The following TMOD2 variants were observed in gnomAD, a reference collection of about 807,000 sequenced individuals.
TMOD2 encodes the protein tropomodulin 2.
Under a neutral mutation model 39.9 loss-of-function variants are expected in TMOD2, and 22 were observed. That is an observed-to-expected ratio of 0.55 (90% confidence interval 0.39 to 0.79). TMOD2 has a LOEUF of 0.79. Among genes scored for constraint, TMOD2 ranks in the 30% least tolerant of loss-of-function variants. The pLI is 0.00. For missense variants in TMOD2, 386 were observed against 413.3 expected, an observed-to-expected ratio of 0.93 and a Z score of 0.57; for synonymous variants, 123 against 146.1, an observed-to-expected ratio of 0.84 and a Z score of 1.14.
rs1302586257 is a variant in TMOD2, at chr15:51,812,371, T to G, written c.*3917T>G. On this transcript the variant is annotated 3_prime_UTR_variant, in exon 10 of 10. Transcript: ENST00000249700. ...ACCAATGTCCTCCGAATAGCTGCCATGAGAACATTTCAGATGCTCAAACTG... is the reference window on the plus strand; with the variant it reads ...ACCAATGTCCTCCGAATAGCTGCCAGGAGAACATTTCAGATGCTCAAACTG... 6.6e-6 allele frequency: 1 copy of G among 152,214 alleles called. No homozygotes were observed. Among genetic ancestry groups the G allele is most frequent in the Non-Finnish European group, 1.5e-5 (1 of 68,042 alleles). The allele number at this position is 152,214 out of a possible 1,614,324, so 9.4% of individuals were successfully genotyped here.
rs568794613 is a variant in TMOD2, at chr15:51,786,820, G to T, written c.732+3992G>T. Among the ~76,000 whole-genome samples the T allele has an allele frequency of 8.5e-5, 13 of 152,344 alleles. No homozygotes were observed. The East Asian group carries it at 2.3e-3, about 27-fold the overall frequency. On this transcript the variant is annotated intron_variant, in intron 7 of 9. Transcript: ENST00000249700. The stretch of plus-strand genomic sequence containing the variant: ...TGCCACATAAAAATCAAGAGTTTAG[G>T]ACAGCACTGTTTATTGGAAATAAAA...
At chr15:51,801,235 TCTCACACACACACACACACACACA>T (rs1242336774) in intron 8 of TMOD2, among the ~76,000 whole-genome samples, 8 of 108,928 alleles carry the variant, frequency 7.3e-5, no homozygotes, top group Non-Finnish European at 1.3e-4. Flanking sequence ...TCTCTCTCTC[TCTCACACACACACACACACACACA>T]CACACACACA....
intron 6 of TMOD2, among the ~76,000 whole-genome samples, chr15:51,782,056 T>C (rs1270389980): frequency 6.6e-6 from 1 of 152,178 alleles, no homozygotes; most frequent in Non-Finnish European, 1.5e-5. Flanking sequence ...CACTTCTAAC[T>C]GCACCCCACA....
At chr15:51,763,691 A>G (rs1408276443) in intron 1 of TMOD2, among the ~76,000 whole-genome samples, 3 of 152,156 alleles carry the variant, frequency 2.0e-5, no homozygotes, top group Non-Finnish European at 2.9e-5. Context: ...AGAGTATTCC[A>G]CAGTTGTCCC....
intron 9 of TMOD2, among the ~76,000 whole-genome samples, chr15:51,808,105 C>T (rs935098024): frequency 3.3e-5 from 5 of 152,100 alleles, no homozygotes; most frequent in South Asian, 2.1e-4. Flanking sequence ...TTGCAAGTGC[C>T]GTGGATAAAC....
chr15:51,779,905 C>G (rs2141625803), intron 5 of TMOD2, among the ~76,000 whole-genome samples: 1 of 152,322 alleles, frequency 6.6e-6, no homozygotes, highest in African/African-American at 2.4e-5. Flanking sequence ...TGGTCTCAAA[C>G]TCCCTGCCTC....
chr15:51,780,550 C>G (rs1228881780), intron 5 of TMOD2, among the ~76,000 whole-genome samples: 1 of 152,094 alleles, frequency 6.6e-6, no homozygotes, highest in Non-Finnish European at 1.5e-5. Context: ...TTCCATTCTT[C>G]TTTTTTATCC....
intron 3 of TMOD2, among the ~76,000 whole-genome samples, chr15:51,770,431 T>A (rs1193958668): frequency 1.3e-5 from 2 of 152,196 alleles, no homozygotes; most frequent in Admixed American, 6.5e-5. Context: ...GTCTTTTTTT[T>A]ATCCTGGCAC....
chr15:51,802,148 A>G (rs777198729), intron 8 of TMOD2, among the ~76,000 whole-genome samples: 13 of 151,754 alleles, frequency 8.6e-5, no homozygotes, highest in Middle Eastern at 3.2e-3. Flanking sequence ...CCTTTTTTAT[A>G]TGCCCCCCAA....
chr15:51,783,056 A>C, intron 7 of TMOD2: 1 of 515,770 alleles, frequency 1.9e-6, no homozygotes, highest in Non-Finnish European at 3.5e-6. Flanking sequence ...AGAAAGAAAC[A>C]AGATAAGTTT....
In TMOD2 at chr15:51,792,887, TA is replaced by T. The variant is rs568928307; in HGVS notation, c.733-5308del. Among the ~76,000 whole-genome samples, 221 of 152,194 alleles carry T rather than the reference TA, an allele frequency of 1.5e-3. 1 individual carries two copies. Among genetic ancestry groups the T allele is most frequent in the African/African-American group, 5.3e-3 (219 of 41,520 alleles). ...GGAGGGTGGGGTGCTAGGGGAGGGA[TA>T]ACATTAGGAGAAATACCTAATGTAG... On this transcript the variant is annotated intron_variant, in intron 7 of 9. Coordinates refer to ENST00000249700, the MANE Select transcript of TMOD2 (RefSeq NM_014548.4).
At position 51,799,022 on chromosome 15, in the gene TMOD2, C is replaced by T. The variant is rs553723608; in HGVS notation, c.876+682C>T. ...CCTAGAGCCACCTCTTCCTGCCTGG[C>T]GACCTCTTTTTCCCAGCGTCAGCCT... is the stretch of plus-strand genomic sequence containing the variant. On this transcript the variant is annotated intron_variant, in intron 8 of 9. Transcript: ENST00000249700. Among the ~76,000 whole-genome samples, 184 of 152,290 alleles carry T rather than the reference C, an allele frequency of 1.2e-3. 1 individual carries two copies. The highest frequency in any genetic ancestry group is 4.1e-3 in the African/African-American group (170 of 41,558).
chr15:51,795,436 A>C (rs1197977886), intron 7 of TMOD2, among the ~76,000 whole-genome samples: 1 of 151,548 alleles, frequency 6.6e-6, no homozygotes, highest in Non-Finnish European at 1.5e-5. Context: ...CTCAAAAAAA[A>C]AAAAAAAAGT....
intron 6 of TMOD2, among the ~76,000 whole-genome samples, chr15:51,782,146 C>A (rs571273858): frequency 6.6e-6 from 1 of 152,110 alleles, no homozygotes; most frequent in Admixed American, 6.5e-5. Flanking sequence ...TTTATTCAGT[C>A]TTTACTCTGA....
intron 7 of TMOD2, among the ~76,000 whole-genome samples, chr15:51,785,630 T>C (rs1341304330): frequency 1.3e-5 from 2 of 151,960 alleles, no homozygotes; most frequent in East Asian, 3.9e-4. Flanking sequence ...AAAGTGGTTC[T>C]CATGGAGGTA....
At chr15:51,784,815 G>T (rs563414725) in intron 7 of TMOD2, 1 of 152,136 alleles carries the variant, frequency 6.6e-6, no homozygotes, top group Admixed American at 6.5e-5. Context: ...TGAATAAAGG[G>T]ATAAAGAAAT....
intron 7 of TMOD2, among the ~76,000 whole-genome samples, chr15:51,788,606 T>C (rs7182917): frequency 0.44 from 67,247 of 151,894 alleles, 15,091 homozygotes; most frequent in Admixed American, 0.46. Context: ...GGAAAAAATG[T>C]TAAGGGCAGC....
At chr15:51,789,246 AT>A (rs2055992679) in intron 7 of TMOD2, among the ~76,000 whole-genome samples, 1 of 152,212 alleles carries the variant, frequency 6.6e-6, no homozygotes, top group South Asian at 2.1e-4. Context: ...ACTAACAAAG[AT>A]CAAAAGAGAC....
intron 2 of TMOD2, chr15:51,767,237 G>A (rs2055822396): frequency 6.6e-6 from 1 of 152,192 alleles, no homozygotes; most frequent in Admixed American, 6.5e-5. Context: ...GGTTGGCCAT[G>A]TTGGTCTCGA....
Sources: gnomAD v4.1 joint callset for allele counts (sites outside exome capture counted in the v4.1 genomes callset) on GRCh38, gnomAD v4.1.1 for gene constraint, MANE v1.5 for transcripts, NCBI Gene and HGNC (gene_info 2026-07-23, HGNC 2026-07-21) for gene names.